ZNF451: variants seen among roughly 807,000 people sequenced by gnomAD.
The protein encoded by ZNF451 is zinc finger protein 451.
ZNF451 carries 80 observed loss-of-function variants against 107.1 expected under a neutral mutation model. The ratio of observed to expected loss-of-function variants is 0.75; its 90% confidence interval spans 0.62 to 0.90. The LOEUF is 0.90. ZNF451 is among the 40% of genes least tolerant of loss of function. The probability of loss-of-function intolerance (pLI) is 0.00; values close to 1 mark genes in which losing one functional copy is unlikely to be tolerated. For missense variants in ZNF451, 1,107 were observed against 1,236.2 expected (o/e 0.90, Z 1.57); for synonymous variants, 362 against 406.5 (o/e 0.89, Z 1.32).
chr6:57,136,903 G>A (rs960160557), intron 7 of ZNF451, among the ~76,000 whole-genome samples: 4 of 151,914 alleles, frequency 2.6e-5, no homozygotes, highest in Non-Finnish European at 4.4e-5. Context: ...GACCTTCAGC[G>A]TTCTGAAAAG....
At chr6:57,093,110 ATCTT>A (rs1417084764) in intron 2 of ZNF451, 1 of 152,194 alleles carries the variant, frequency 6.6e-6, no homozygotes, top group Admixed American at 6.5e-5. Context: ...CTGTTTTTAT[ATCTT>A]TCTTTGAAAT....
At chr6:57,133,933 A>G (rs1208925994) in intron 6 of ZNF451, among the ~76,000 whole-genome samples, 1 of 152,046 alleles carries the variant, frequency 6.6e-6, no homozygotes, top group East Asian at 1.9e-4. Context: ...ACCTCAGCCT[A>G]CCAAAGTGCT....
At chr6:57,155,317 C>G (rs945220130) in intron 13 of ZNF451, among the ~76,000 whole-genome samples, 3 of 152,284 alleles carry the variant, frequency 2.0e-5, no homozygotes, top group African/African-American at 7.2e-5. Flanking sequence ...GAAAACCCAT[C>G]TCTACTAAAT....
intron 9 of ZNF451, among the ~76,000 whole-genome samples, chr6:57,143,924 TTA>T (rs1385056702): frequency 6.6e-6 from 1 of 152,178 alleles, no homozygotes; most frequent in African/African-American, 2.4e-5. Context: ...TTTGAAAACA[TTA>T]TGCTAAATGA....
At chr6:57,162,148 T>C (rs1763699070) in intron 14 of ZNF451, among the ~76,000 whole-genome samples, 1 of 152,210 alleles carries the variant, frequency 6.6e-6, no homozygotes, top group Non-Finnish European at 1.5e-5. Context: ...GTAGGAGTCT[T>C]CATGTACATT....
At chr6:57,154,178 C>A in intron 13 of ZNF451, 131 bp downstream of exon 13, 1 of 803,210 alleles carries the variant, frequency 1.2e-6, no homozygotes, top group Non-Finnish European at 2.0e-6. Context: ...TTACTTCTAT[C>A]TTACTTATCT....
At chr6:57,098,119 A>C (rs1391320516) in intron 2 of ZNF451, among the ~76,000 whole-genome samples, 1 of 150,592 alleles carries the variant, frequency 6.6e-6, no homozygotes, top group Non-Finnish European at 1.5e-5. Context: ...ACAGGCACGC[A>C]CCACCATGCC....
chr6:57,106,626 T>A (rs190798508), intron 3 of ZNF451: 1 of 984,966 alleles, frequency 1.0e-6, no homozygotes, highest in African/African-American at 1.7e-5. Flanking sequence ...TTTTTTTTTT[T>A]TTTTTATGTG....
chr6:57,109,953 G>A (rs1246141728), intron 3 of ZNF451, among the ~76,000 whole-genome samples: 1 of 152,216 alleles, frequency 6.6e-6, no homozygotes, highest in Non-Finnish European at 1.5e-5. Flanking sequence ...ATAAGAGATG[G>A]TATATTCTCC....
chr6:57,099,194 A>G, intron 3 of ZNF451, 53 bp downstream of exon 3: 1 of 1,387,442 alleles, frequency 7.2e-7, no homozygotes, highest in Non-Finnish European at 1.0e-6. Flanking sequence ...TTTAAGAGGT[A>G]TTCTCTAAAG....
At chr6:57,144,786 C>G (rs765754094) in intron 9 of ZNF451, among the ~76,000 whole-genome samples, 97 of 151,894 alleles carry the variant, frequency 6.4e-4, no homozygotes, top group African/African-American at 2.1e-3. Context: ...AAAAATTAAC[C>G]GGGTGTGGTG....
At chr6:57,101,683 A>G (rs1480227603) in intron 3 of ZNF451, 6 of 1,550,584 alleles carry the variant, frequency 3.9e-6, no homozygotes, top group South Asian at 1.2e-5. Flanking sequence ...AGCAAGATGC[A>G]TAATATCTGA....
At chr6:57,121,216 G>A (rs1405711335) in intron 3 of ZNF451, among the ~76,000 whole-genome samples, 1 of 152,008 alleles carries the variant, frequency 6.6e-6, no homozygotes, top group East Asian at 1.9e-4. Context: ...TCTATTTCTG[G>A]ACTCTGTTGT....
At chr6:57,106,035 C>G (rs1042211859) in intron 3 of ZNF451, 1 of 983,048 alleles carries the variant, frequency 1.0e-6, no homozygotes, top group Non-Finnish European at 1.2e-6. Flanking sequence ...TAGTACTACA[C>G]TAATAATTTA....
intron 11 of ZNF451, 149 bp downstream of exon 11, chr6:57,151,011 TC>T: frequency 1.0e-6 from 1 of 959,782 alleles, no homozygotes; most frequent in Non-Finnish European, 1.5e-6. Flanking sequence ...TCTGCTAGAA[TC>T]GTTTTCTTTA....
Position 57,147,200 on chromosome 6 carries a change from T to G in ZNF451, c.1115T>G (p.Val372Gly). The change falls in exon 10 of 15, where the codon GTG (valine) becomes GGG (glycine). Residue 372 changes from valine to glycine, a missense_variant. Val to Gly is a moderately radical substitution (Grantham distance 109). Coordinates refer to ENST00000370706, the MANE Select transcript of ZNF451 (RefSeq NM_001031623.3). Reference protein sequence around the residue: ...GYCPDCNQVFVDETSTQNHKQ... With the variant: ...GYCPDCNQVFGDETSTQNHKQ... ...TGTCCAGATTGCAATCAAGTCTTTG[T>G]GGATGAAACCAGCACCCAAAATCAT... 1 of 1,614,110 alleles carries G rather than the reference T, an allele frequency of 6.2e-7. No homozygotes were observed. Among genetic ancestry groups the G allele is most frequent in the Non-Finnish European group, 8.5e-7 (1 of 1,179,976 alleles).
At chr6:57,100,555 G>A in intron 3 of ZNF451, 4 of 1,446,544 alleles carry the variant, frequency 2.8e-6, no homozygotes, top group Non-Finnish European at 3.6e-6. Flanking sequence ...CATATTAAAA[G>A]CATATTTTTT....
intron 5 of ZNF451, among the ~76,000 whole-genome samples, chr6:57,132,316 C>T (rs983675087): frequency 3.3e-5 from 5 of 152,210 alleles, no homozygotes; most frequent in Admixed American, 1.3e-4. Context: ...ATTCCATCCT[C>T]TCTACCCCAG....
chr6:57,100,504 G>T, intron 3 of ZNF451: 1 of 1,298,996 alleles, frequency 7.7e-7, no homozygotes. Flanking sequence ...TAAAAATTGA[G>T]TTCTACTTAC....
Sources: gnomAD v4.1 joint callset for allele counts (sites outside exome capture counted in the v4.1 genomes callset) on GRCh38, gnomAD v4.1.1 for gene constraint, MANE v1.5 for transcripts, NCBI Gene and HGNC (gene_info 2026-07-23, HGNC 2026-07-21) for gene names.